LIX1: variants seen among roughly 807,000 people sequenced by gnomAD.
LIX1 encodes protein limb expression 1 homolog.
LIX1 carries 24 observed loss-of-function variants against 33.4 expected under a neutral mutation model. That is an observed-to-expected ratio of 0.72 (90% confidence interval 0.52 to 1.01). LIX1 has a LOEUF of 1.01. Ranked by LOEUF, LIX1 falls within the 50% of genes least tolerant of loss-of-function variation. The pLI is 0.00. For synonymous variants in LIX1, 124 were observed against 124.0 expected, an observed-to-expected ratio of 1.00 and a Z score of 0.00; for missense variants, 311 against 339.2, an observed-to-expected ratio of 0.92 and a Z score of 0.65.
At chr5:97,106,386 T>C (rs1394560766) in intron 3 of LIX1, among the ~76,000 whole-genome samples, 2 of 152,222 alleles carry the variant, frequency 1.3e-5, no homozygotes, top group Non-Finnish European at 2.9e-5. Flanking sequence ...CTCTCCTTTA[T>C]GTGATAAGAA....
intron 2 of LIX1, among the ~76,000 whole-genome samples, chr5:97,115,732 AAC>A (rs902140652): frequency 6.6e-6 from 1 of 151,568 alleles, no homozygotes; most frequent in African/African-American, 2.4e-5. Context: ...AAGGAGTTGA[AAC>A]ACAGTCTGTA....
At chr5:97,111,912 T>G (rs950205218) in intron 2 of LIX1, among the ~76,000 whole-genome samples, 7 of 152,210 alleles carry the variant, frequency 4.6e-5, no homozygotes, top group Admixed American at 1.3e-4. Context: ...TACCAAGATT[T>G]TAAAGCAGAC....
Position 97,115,590 on chromosome 5 carries a change from T to G in LIX1, c.247-8090A>C, listed in dbSNP as rs79444362. Among the ~76,000 whole-genome samples, 49 of 152,302 alleles carry G rather than the reference T, an allele frequency of 3.2e-4. 2 individuals carry two copies. The East Asian group carries it at 9.3e-3, about 29-fold the overall frequency. ...GGACATTGATACAAGTAACTTTCTA[T>G]CTTAAACAACAGACTTTCTACAGTT... On this transcript the variant is annotated intron_variant, in intron 2 of 5. Coordinates refer to ENST00000274382, the MANE Select transcript of LIX1 (RefSeq NM_153234.5).
chr5:97,120,131 C>T (rs1178020536), intron 2 of LIX1, among the ~76,000 whole-genome samples: 1 of 152,140 alleles, frequency 6.6e-6, no homozygotes, highest in African/African-American at 2.4e-5. Context: ...AAAACTTTAA[C>T]CACAGATATG....
chr5:97,126,012 G>T (rs1409082165), intron 1 of LIX1, among the ~76,000 whole-genome samples: 8 of 152,194 alleles, frequency 5.3e-5, no homozygotes, highest in Non-Finnish European at 1.0e-4. Flanking sequence ...CCTGGTTTCA[G>T]CTATGCCCAT....
chr5:97,103,136 A>T (rs1357932292), intron 4 of LIX1: 1 of 437,966 alleles, frequency 2.3e-6, no homozygotes, highest in Non-Finnish European at 4.5e-6. Flanking sequence ...TCTCTTGAAA[A>T]AATACCTCTT....
At chr5:97,127,324 T>C (rs1747950765) in intron 1 of LIX1, among the ~76,000 whole-genome samples, 1 of 152,170 alleles carries the variant, frequency 6.6e-6, no homozygotes. Flanking sequence ...TGTAAAGCTT[T>C]TGGGATTAAA....
At position 97,135,764 on chromosome 5, in the gene LIX1, A is replaced by T. The variant is rs1014069968; in HGVS notation, c.82+6731T>A. Reference sequence around the variant, plus strand: ...AACCCAGGAGGCAGAGGTTACAATGAGCTGAGATCATGCCACTACACTCCA... The same window carrying T: ...AACCCAGGAGGCAGAGGTTACAATGTGCTGAGATCATGCCACTACACTCCA... On this transcript the variant is annotated intron_variant, in intron 1 of 5. Coordinates refer to ENST00000274382, the MANE Select transcript of LIX1 (RefSeq NM_153234.5). Among the ~76,000 whole-genome samples the T allele has an allele frequency of 3.9e-5, 6 of 152,286 alleles. No individual in the cohort carries two copies. The East Asian group carries it at 1.2e-3, about 29-fold the overall frequency.
At chr5:97,099,489 T>A (rs1746569178) in intron 4 of LIX1, among the ~76,000 whole-genome samples, 1 of 152,216 alleles carries the variant, frequency 6.6e-6, no homozygotes, top group Non-Finnish European at 1.5e-5. Flanking sequence ...TTATGTCTTA[T>A]AAAGATCCAC....
intron 5 of LIX1, 34 bp from the exon 6 acceptor site, chr5:97,095,069 T>C: frequency 2.5e-6 from 4 of 1,599,246 alleles, no homozygotes; most frequent in Non-Finnish European, 1.7e-6. Context: ...AGGGTGTCAA[T>C]AAAAAGCAAC....
intron 2 of LIX1, among the ~76,000 whole-genome samples, chr5:97,123,375 G>A (rs755363584): frequency 5.3e-5 from 8 of 152,190 alleles, no homozygotes; most frequent in Non-Finnish European, 8.8e-5. Context: ...ACTTCCTCCT[G>A]TGTTTCCCAC....
chr5:97,120,779 T>C (rs996990368), intron 2 of LIX1, among the ~76,000 whole-genome samples: 2 of 152,140 alleles, frequency 1.3e-5, no homozygotes, highest in African/African-American at 2.4e-5. Flanking sequence ...AAGGAATGTA[T>C]GCTTTAATAA....
intron 1 of LIX1, among the ~76,000 whole-genome samples, chr5:97,140,240 TTG>T (rs1390241796): frequency 1.3e-5 from 2 of 151,982 alleles, no homozygotes; most frequent in Admixed American, 6.6e-5. Flanking sequence ...GTGTGTGTGT[TTG>T]TGTGTTTGTG....
intron 2 of LIX1, among the ~76,000 whole-genome samples, chr5:97,117,556 G>A (rs1177748854): frequency 6.6e-6 from 1 of 152,076 alleles, no homozygotes. Flanking sequence ...TGATTTAAAT[G>A]TACTTTTAAT....
rs114527594 is a variant in LIX1, at chr5:97,106,179, C to T, written c.388-894G>A. Among the ~76,000 whole-genome samples the T allele has an allele frequency of 5.6e-3, 859 of 152,288 alleles. 2 individuals are homozygous for T. The highest frequency in any genetic ancestry group is 9.1e-3 in the Non-Finnish European group (619 of 68,022). Reference sequence around the variant, plus strand: ...GATAAATTACTTTTACACTGAGGGCCCTTCCCTGCTCCTGAGTAAATTTCA... The same window carrying T: ...GATAAATTACTTTTACACTGAGGGCTCTTCCCTGCTCCTGAGTAAATTTCA... On this transcript the variant is annotated intron_variant, in intron 3 of 5. Coordinates refer to ENST00000274382, the MANE Select transcript of LIX1 (RefSeq NM_153234.5).
intron 2 of LIX1, among the ~76,000 whole-genome samples, chr5:97,124,216 G>A (rs986818464): frequency 2.0e-5 from 3 of 151,936 alleles, no homozygotes; most frequent in Admixed American, 6.6e-5. Context: ...TGAGTTTCAC[G>A]GTATCCATAA....
intron 2 of LIX1, among the ~76,000 whole-genome samples, chr5:97,108,433 C>T (rs1177057315): frequency 6.6e-6 from 1 of 152,050 alleles, no homozygotes; most frequent in Non-Finnish European, 1.5e-5. Flanking sequence ...TGGATCTGGT[C>T]GATGCATCCT....
intron 4 of LIX1, among the ~76,000 whole-genome samples, chr5:97,103,994 A>G (rs1452487812): frequency 6.6e-6 from 1 of 151,522 alleles, no homozygotes; most frequent in Non-Finnish European, 1.5e-5. Flanking sequence ...AAAAAGAAAA[A>G]CTAAGATTTA....
intron 1 of LIX1, among the ~76,000 whole-genome samples, chr5:97,126,891 G>A (rs186368756): frequency 3.7e-4 from 56 of 152,220 alleles, no homozygotes; most frequent in Admixed American, 1.4e-3. Context: ...GCCCATCTCG[G>A]CCTCCCAAAG....
Sources: gnomAD v4.1 joint callset for allele counts (sites outside exome capture counted in the v4.1 genomes callset) on GRCh38, gnomAD v4.1.1 for gene constraint, MANE v1.5 for transcripts, NCBI Gene and HGNC (gene_info 2026-07-23, HGNC 2026-07-21) for gene names.